FGGY: variants seen among roughly 807,000 people sequenced by gnomAD.
FGGY encodes FGGY carbohydrate kinase domain containing.
Under a neutral mutation model 71.3 loss-of-function variants are expected in FGGY, and 72 were observed. That is an observed-to-expected ratio of 1.01 (90% CI 0.84 to 1.23). The LOEUF is 1.23. Ranked by LOEUF, FGGY falls within the 50% of genes most tolerant of loss-of-function variation. The probability of loss-of-function intolerance (pLI) is 0.00; values close to 1 mark genes in which losing one functional copy is unlikely to be tolerated. For missense variants in FGGY, 668 were observed against 682.3 expected, an observed-to-expected ratio of 0.98 and a Z score of 0.23; for synonymous variants, 251 against 250.3, an observed-to-expected ratio of 1.00 and a Z score of -0.02.
rs114383935 is a variant in FGGY, at chr1:59,692,921, G to T, written c.1512+18788G>T. Among the ~76,000 whole-genome samples, 215 of 152,304 alleles carry T rather than the reference G, an allele frequency of 1.4e-3. 4 individuals are homozygous for T. Among genetic ancestry groups the T allele is most frequent in the African/African-American group, 4.9e-3 (202 of 41,556 alleles). ...AAGGGTGGAAGAAACTCTGGACTTG[G>T]CATCAGAAGACTTGAGTCTGAGCCT... On this transcript the variant is annotated intron_variant, in intron 14 of 15. Transcript: ENST00000303721.
At chr1:59,491,048 T>TTCCCTCCCCTCCC (rs1553243944) in intron 6 of FGGY, among the ~76,000 whole-genome samples, 124 of 658 alleles carry the variant, frequency 0.19, 10 homozygotes, top group South Asian at 0.33. Context: ...CCTTCCTTCC[T>TTCCCTCCCCTCCC]TCCTTCCTTC....
At chr1:59,618,482 A>T (rs954775628) in intron 9 of FGGY, among the ~76,000 whole-genome samples, 1 of 152,206 alleles carries the variant, frequency 6.6e-6, no homozygotes, top group Admixed American at 6.6e-5. Flanking sequence ...ACTTTTGTGG[A>T]GGTGCATTTC....
At chr1:59,699,500 T>C in intron 14 of FGGY, 1 of 740,140 alleles carries the variant, frequency 1.4e-6, no homozygotes, top group Non-Finnish European at 1.6e-6. Flanking sequence ...TCTTTTGCCA[T>C]GGATAGAAAA....
intron 14 of FGGY, among the ~76,000 whole-genome samples, chr1:59,709,470 A>ACG (rs1251768272): frequency 2.0e-5 from 3 of 150,692 alleles, no homozygotes; most frequent in South Asian, 4.2e-4. Context: ...ACTATATCAC[A>ACG]CACACACACA....
intron 2 of FGGY, among the ~76,000 whole-genome samples, chr1:59,333,266 C>T (rs962832528): frequency 1.3e-5 from 2 of 152,204 alleles, no homozygotes; most frequent in Non-Finnish European, 2.9e-5. Context: ...CATGCACTTT[C>T]TGGGCACAGA....
chr1:59,687,254 C>T (rs1341572166), intron 14 of FGGY, among the ~76,000 whole-genome samples: 1 of 152,148 alleles, frequency 6.6e-6, no homozygotes, highest in Non-Finnish European at 1.5e-5. Flanking sequence ...CTGATTCCAG[C>T]TCCCAGCCTC....
At chr1:59,545,516 T>A (rs1029923327) in intron 7 of FGGY, among the ~76,000 whole-genome samples, 1 of 152,234 alleles carries the variant, frequency 6.6e-6, no homozygotes, top group Non-Finnish European at 1.5e-5. Context: ...ATCTAGAGGC[T>A]GTGTTGAAGT....
At chr1:59,660,153 G>T (rs2097260844) in intron 11 of FGGY, 66 bp from the exon 12 acceptor site, 7 of 1,390,986 alleles carry the variant, frequency 5.0e-6, no homozygotes, top group Middle Eastern at 1.8e-4. Context: ...TATTTCATGG[G>T]AACTATCTTT....
intron 4 of FGGY, among the ~76,000 whole-genome samples, chr1:59,347,826 A>T (rs189931613): frequency 0.014 from 2,076 of 151,960 alleles, 15 homozygotes; most frequent in Middle Eastern, 0.028. Flanking sequence ...TAAAGACTTA[A>T]ATGTTAGACC....
intron 8 of FGGY, among the ~76,000 whole-genome samples, chr1:59,605,833 A>T (rs899347937): frequency 6.6e-6 from 1 of 152,188 alleles, no homozygotes; most frequent in Non-Finnish European, 1.5e-5. Flanking sequence ...CTCTGGGCCT[A>T]GCACATTACC....
intron 14 of FGGY, among the ~76,000 whole-genome samples, chr1:59,729,580 T>C (rs900190599): frequency 1.3e-5 from 2 of 152,210 alleles, no homozygotes; most frequent in Non-Finnish European, 2.9e-5. Context: ...ATTGTCCTTA[T>C]TTTTTCATCC....
chr1:59,744,467 C>G (rs755676735), intron 14 of FGGY, among the ~76,000 whole-genome samples: 1 of 152,184 alleles, frequency 6.6e-6, no homozygotes, highest in Non-Finnish European at 1.5e-5. Flanking sequence ...ATGATCCACC[C>G]GCCTCAGCCT....
intron 11 of FGGY, among the ~76,000 whole-genome samples, chr1:59,660,004 C>T (rs2097259693): frequency 6.6e-6 from 1 of 152,042 alleles, no homozygotes; most frequent in South Asian, 2.1e-4. Flanking sequence ...TGTTTAAGGT[C>T]AGGGTATTTT....
intron 4 of FGGY, among the ~76,000 whole-genome samples, chr1:59,360,168 T>G (rs2055189897): frequency 6.6e-6 from 1 of 151,036 alleles, no homozygotes; most frequent in African/African-American, 2.5e-5. Context: ...CACCACTGAT[T>G]AGTGAAAATT....
At chr1:59,418,985 A>T (rs903803444) in intron 5 of FGGY, among the ~76,000 whole-genome samples, 4 of 152,202 alleles carry the variant, frequency 2.6e-5, no homozygotes, top group African/African-American at 9.6e-5. Flanking sequence ...GGGGCCTGGC[A>T]TACTGAAATA....
Position 59,349,664 on chromosome 1 carries a change from T to C in FGGY, c.465+3266T>C, listed in dbSNP as rs182832472. 2.6e-5 allele frequency among the ~76,000 whole-genome samples: 4 copies of C among 152,324 alleles called. No individual in the cohort carries two copies. The East Asian group carries it at 7.7e-4, about 29-fold the overall frequency. On this transcript the variant is annotated intron_variant, in intron 4 of 15. Coordinates refer to ENST00000303721, the MANE Select transcript of FGGY (RefSeq NM_018291.5). Reference sequence around the variant, plus strand: ...TTTCAGAATTTTCTGAGTAAGCCTCTAGTGTGGGGTGTGTTTTGGTAAGCA... The same window carrying C: ...TTTCAGAATTTTCTGAGTAAGCCTCCAGTGTGGGGTGTGTTTTGGTAAGCA...
chr1:59,500,336 G>A (rs1430400508), intron 6 of FGGY, among the ~76,000 whole-genome samples: 11 of 152,062 alleles, frequency 7.2e-5, no homozygotes, highest in Admixed American at 7.2e-4. Flanking sequence ...TGGTACGTTT[G>A]TCATTCCAGC....
intron 11 of FGGY, among the ~76,000 whole-genome samples, chr1:59,659,376 A>G (rs1300356864): frequency 6.6e-6 from 1 of 152,188 alleles, no homozygotes; most frequent in East Asian, 1.9e-4. Context: ...ATTTTGATGC[A>G]AACCGCATGT....
chr1:59,588,391 C>T (rs1246638210), intron 8 of FGGY, among the ~76,000 whole-genome samples: 1 of 151,988 alleles, frequency 6.6e-6, no homozygotes, highest in East Asian at 1.9e-4. Context: ...TCCAGGAGAA[C>T]TTCCCCAATC....
Sources: gnomAD v4.1 joint callset for allele counts (sites outside exome capture counted in the v4.1 genomes callset) on GRCh38, gnomAD v4.1.1 for gene constraint, MANE v1.5 for transcripts, NCBI Gene and HGNC (gene_info 2026-07-23, HGNC 2026-07-21) for gene names.